Variants in NRXN3 observed in about 807,000 individuals in gnomAD.
NRXN3 encodes neurexin III.
Under a neutral mutation model 137.6 loss-of-function variants are expected in NRXN3, and 32 were observed. The ratio of observed to expected loss-of-function variants is 0.23; its 90% CI spans 0.18 to 0.31. The LOEUF (loss-of-function observed/expected upper bound fraction) is 0.31. NRXN3 is among the 10% of genes least tolerant of loss of function. The probability of loss-of-function intolerance (pLI) is 1.00; values close to 1 mark genes in which losing one functional copy is unlikely to be tolerated. For synonymous variants in NRXN3, 798 were observed against 784.5 expected, an observed-to-expected ratio of 1.02 and a Z score of -0.29; for missense variants, 1,574 against 2,062.5, an observed-to-expected ratio of 0.76 and a Z score of 4.59.
intron 19 of NRXN3, among the ~76,000 whole-genome samples, chr14:79,793,608 C>T (rs1430815848): frequency 6.6e-6 from 1 of 151,948 alleles, no homozygotes; most frequent in African/African-American, 2.4e-5. Flanking sequence ...TTGTGGAAAC[C>T]AATGCAAAAT....
At chr14:79,800,998 G>A (rs1385744863) in intron 19 of NRXN3, among the ~76,000 whole-genome samples, 1 of 152,216 alleles carries the variant, frequency 6.6e-6, no homozygotes, top group Non-Finnish European at 1.5e-5. Context: ...GCCTCTGGCA[G>A]AGGAAGTCTT....
At chr14:79,773,489 G>T (rs951421715) in intron 19 of NRXN3, among the ~76,000 whole-genome samples, 2 of 152,080 alleles carry the variant, frequency 1.3e-5, no homozygotes, top group African/African-American at 4.8e-5. Flanking sequence ...GCACATGGAT[G>T]AAATTGGAAA....
chr14:78,589,234 T>G (rs1426035105), intron 4 of NRXN3, among the ~76,000 whole-genome samples: 1 of 152,284 alleles, frequency 6.6e-6, no homozygotes, highest in East Asian at 1.9e-4. Flanking sequence ...CAAGAAGCTC[T>G]GCAAAAGCCT....
chr14:79,618,379 G>C (rs2098185262), intron 16 of NRXN3, among the ~76,000 whole-genome samples: 1 of 151,818 alleles, frequency 6.6e-6, no homozygotes, highest in Admixed American at 6.6e-5. Context: ...GTCTATTGTT[G>C]ACATATTTAT....
intron 16 of NRXN3, among the ~76,000 whole-genome samples, chr14:79,584,253 C>T (rs2097746196): frequency 6.6e-6 from 1 of 152,066 alleles, no homozygotes; most frequent in Non-Finnish European, 1.5e-5. Flanking sequence ...TGAATAAAAC[C>T]ATGTCCAGGG....
In NRXN3 at chr14:78,813,514, C is replaced by CT. The variant is rs538471116; in HGVS notation, c.2275+3180dup. Among the ~76,000 whole-genome samples, 45 of 149,334 alleles carry CT rather than the reference C, an allele frequency of 3.0e-4. 1 individual carries two copies. Among genetic ancestry groups the CT allele is most frequent in the South Asian group, 8.5e-4 (4 of 4,690 alleles). On this transcript the variant is annotated intron_variant, in intron 10 of 20. Coordinates refer to ENST00000335750, the MANE Select transcript of NRXN3 (RefSeq NM_001330195.2). ...TTGCTTAATTTTCAAAACAGAGCTT[C>CT]TTTTTTTTTTCCCCCTTGAAGGGAA...
intron 16 of NRXN3, among the ~76,000 whole-genome samples, chr14:79,508,938 T>A (rs937404294): frequency 4.6e-5 from 7 of 152,014 alleles, no homozygotes; most frequent in Non-Finnish European, 1.0e-4. Flanking sequence ...ATGCCTATAA[T>A]CACAGCACTT....
chr14:79,731,978 C>T (rs1035050246), intron 19 of NRXN3, among the ~76,000 whole-genome samples: 1 of 151,978 alleles, frequency 6.6e-6, no homozygotes, highest in Non-Finnish European at 1.5e-5. Context: ...TGAATAGAAT[C>T]CTTTTATTCC....
At chr14:79,859,003 G>A (rs72683309) in intron 20 of NRXN3, among the ~76,000 whole-genome samples, 51,577 of 147,132 alleles carry the variant, frequency 0.35, 9,684 homozygotes, top group Admixed American at 0.47. Flanking sequence ...AAAAAAAACA[G>A]GTGTCTGCTG....
chr14:79,625,100 T>C (rs756273687), intron 16 of NRXN3, among the ~76,000 whole-genome samples: 2 of 152,212 alleles, frequency 1.3e-5, no homozygotes, highest in African/African-American at 2.4e-5. Flanking sequence ...TCCTGGCCTC[T>C]ACAGTATTTT....
chr14:79,827,697 T>C, intron 20 of NRXN3, among the ~76,000 whole-genome samples: 1 of 147,464 alleles, frequency 6.8e-6, no homozygotes, highest in Non-Finnish European at 1.5e-5. Context: ...CAAACTTTTT[T>C]TTTTTTTTTT....
At chr14:79,475,973 C>T (rs560665171) in intron 16 of NRXN3, among the ~76,000 whole-genome samples, 5 of 152,180 alleles carry the variant, frequency 3.3e-5, no homozygotes, top group Admixed American at 2.0e-4. Flanking sequence ...AGTGCCATCA[C>T]GTGAATGCTG....
At chr14:79,413,906 G>T (rs75727092) in intron 15 of NRXN3, among the ~76,000 whole-genome samples, 5 of 50,672 alleles carry the variant, frequency 9.9e-5, no homozygotes, top group Admixed American at 1.8e-4. Context: ...AAAAAAAAAA[G>T]CTTATGGCTC....
chr14:78,912,312 AT>A (rs903197205), intron 10 of NRXN3, among the ~76,000 whole-genome samples: 47 of 149,198 alleles, frequency 3.2e-4, no homozygotes, highest in African/African-American at 9.3e-4. Context: ...ACAAATTGGT[AT>A]TTTTTTTTAA....
chr14:79,292,535 G>A (rs149738538), intron 15 of NRXN3, among the ~76,000 whole-genome samples: 28 of 152,298 alleles, frequency 1.8e-4, no homozygotes, highest in African/African-American at 6.7e-4. Flanking sequence ...CAAAAGTGTG[G>A]CATTCATCTT....
At chr14:78,635,641 A>G (rs1364510165) in intron 4 of NRXN3, among the ~76,000 whole-genome samples, 1 of 152,190 alleles carries the variant, frequency 6.6e-6, no homozygotes, top group Non-Finnish European at 1.5e-5. Context: ...AGTCCACAGA[A>G]TGTAGTGTGA....
intron 16 of NRXN3, among the ~76,000 whole-genome samples, chr14:79,575,323 A>T (rs1233747812): frequency 6.6e-6 from 1 of 152,154 alleles, no homozygotes. Context: ...TAGAAGACGG[A>T]AGCGTGGTAA....
At chr14:79,137,840 C>A (rs374490701) in intron 15 of NRXN3, among the ~76,000 whole-genome samples, 3 of 151,868 alleles carry the variant, frequency 2.0e-5, no homozygotes, top group Non-Finnish European at 4.4e-5. Context: ...TAGGACAGGA[C>A]GAGGAATAAT....
chr14:78,946,672 A>G (rs1175784976), intron 10 of NRXN3, among the ~76,000 whole-genome samples: 1 of 152,136 alleles, frequency 6.6e-6, no homozygotes, highest in African/African-American at 2.4e-5. Flanking sequence ...CTCAGGGTGC[A>G]TGGAGGAGGC....
Sources: gnomAD v4.1 joint callset for allele counts (sites outside exome capture counted in the v4.1 genomes callset) on GRCh38, gnomAD v4.1.1 for gene constraint, MANE v1.5 for transcripts, NCBI Gene and HGNC (gene_info 2026-07-23, HGNC 2026-07-21) for gene names.